The following RFTN2 variants were observed in gnomAD, a reference collection of about 807,000 sequenced individuals.
The protein encoded by RFTN2 is raftlin family member 2.
Under a neutral mutation model 52.7 loss-of-function variants are expected in RFTN2, and 34 were observed. The ratio of observed to expected loss-of-function variants is 0.64; its 90% CI spans 0.49 to 0.86. The LOEUF (loss-of-function observed/expected upper bound fraction) is 0.86. RFTN2 is among the 40% of genes least tolerant of loss of function. The probability of loss-of-function intolerance (pLI) is 0.00; values close to 1 mark genes in which losing one functional copy is unlikely to be tolerated. For synonymous variants in RFTN2, 203 were observed against 217.7 expected, an observed-to-expected ratio of 0.93 and a Z score of 0.59; for missense variants, 536 against 600.1, an observed-to-expected ratio of 0.89 and a Z score of 1.12.
At chr2:197,644,113 C>A in intron 3 of RFTN2, 45 bp downstream of exon 3, 2 of 1,071,152 alleles carry the variant, frequency 1.9e-6, no homozygotes, top group Non-Finnish European at 1.5e-6. Flanking sequence ...GATGAAATAC[C>A]AAATGTTTGT....
intron 1 of RFTN2, among the ~76,000 whole-genome samples, chr2:197,659,645 C>T (rs2088948856): frequency 1.3e-5 from 2 of 151,938 alleles, no homozygotes; most frequent in African/African-American, 2.4e-5. Context: ...TGGTAAAACC[C>T]TGTTTTTGCT....
intron 3 of RFTN2, among the ~76,000 whole-genome samples, chr2:197,641,041 A>G (rs1177191122): frequency 6.6e-6 from 1 of 152,196 alleles, no homozygotes; most frequent in Non-Finnish European, 1.5e-5. Flanking sequence ...TGTCTTTTAT[A>G]TGGCTACTGT....
chr2:197,608,627 T>A (rs1247543949), intron 7 of RFTN2, among the ~76,000 whole-genome samples: 1 of 142,482 alleles, frequency 7.0e-6, no homozygotes, highest in Non-Finnish European at 1.5e-5. Context: ...ACCAGACTTT[T>A]TTTTTTTTTT....
intron 8 of RFTN2, among the ~76,000 whole-genome samples, chr2:197,581,369 A>T (rs896350157): frequency 3.3e-5 from 5 of 151,956 alleles, no homozygotes; most frequent in African/African-American, 1.2e-4. Flanking sequence ...TGCTTTTTTC[A>T]CTATTCCCCT....
At chr2:197,586,208 C>T (rs1251447807) in intron 8 of RFTN2, among the ~76,000 whole-genome samples, 2 of 152,178 alleles carry the variant, frequency 1.3e-5, no homozygotes, top group Non-Finnish European at 2.9e-5. Context: ...CTCCCAGGCC[C>T]TCTTCTTGTT....
intron 7 of RFTN2, among the ~76,000 whole-genome samples, chr2:197,612,992 A>G (rs1265548536): frequency 1.3e-5 from 2 of 152,248 alleles, no homozygotes; most frequent in East Asian, 3.8e-4. Flanking sequence ...TGTGGGCCGC[A>G]AAAAGAAGAT....
intron 7 of RFTN2, among the ~76,000 whole-genome samples, chr2:197,609,567 T>C (rs1485920884): frequency 1.3e-5 from 2 of 152,248 alleles, no homozygotes; most frequent in Admixed American, 6.5e-5. Context: ...AAAAATTTTC[T>C]CCCAATCTGT....
intron 5 of RFTN2, among the ~76,000 whole-genome samples, chr2:197,625,160 A>C (rs2088333684): frequency 6.6e-6 from 1 of 152,172 alleles, no homozygotes; most frequent in South Asian, 2.1e-4. Flanking sequence ...ATTCTTTTCA[A>C]ATATATTCAT....
At chr2:197,581,839 T>C (rs1158251058) in intron 8 of RFTN2, among the ~76,000 whole-genome samples, 1 of 152,200 alleles carries the variant, frequency 6.6e-6, no homozygotes, top group East Asian at 1.9e-4. Context: ...TTTGGATACC[T>C]GGTTTTGCCA....
chr2:197,667,133 A>C (rs1427071327), intron 1 of RFTN2, among the ~76,000 whole-genome samples: 1 of 152,232 alleles, frequency 6.6e-6, no homozygotes, highest in African/African-American at 2.4e-5. Context: ...GGCATGTGCC[A>C]CCATGTCCAG....
At chr2:197,584,669 A>T (rs1680966626) in intron 8 of RFTN2, among the ~76,000 whole-genome samples, 1 of 152,094 alleles carries the variant, frequency 6.6e-6, no homozygotes, top group Non-Finnish European at 1.5e-5. Flanking sequence ...GGTGTTTTAG[A>T]CATGAGGACT....
chr2:197,660,200 G>A (rs930280599), intron 1 of RFTN2, among the ~76,000 whole-genome samples: 6 of 152,200 alleles, frequency 3.9e-5, no homozygotes, highest in South Asian at 2.1e-4. Context: ...TTCAGAATTT[G>A]TGAAAATAAA....
intron 8 of RFTN2, among the ~76,000 whole-genome samples, chr2:197,575,887 AATATATATAAT>A (rs2087408713): frequency 7.7e-6 from 1 of 130,262 alleles, no homozygotes. Context: ...TATTATATAT[AATATATATAAT>A]ATATATATGA....
At chr2:197,592,014 C>A (rs1037457541) in intron 8 of RFTN2, among the ~76,000 whole-genome samples, 3 of 152,132 alleles carry the variant, frequency 2.0e-5, no homozygotes, top group Admixed American at 1.3e-4. Flanking sequence ...CATGGTGCAG[C>A]GGCGGGCTGA....
intron 5 of RFTN2, among the ~76,000 whole-genome samples, chr2:197,626,395 GT>G (rs757536457): frequency 6.6e-6 from 1 of 151,758 alleles, no homozygotes; most frequent in Non-Finnish European, 1.5e-5. Context: ...GCGAGACCAT[GT>G]CTACAAAAAA....
chr2:197,635,328 G>C (rs2088547927), intron 3 of RFTN2, among the ~76,000 whole-genome samples: 1 of 152,138 alleles, frequency 6.6e-6, no homozygotes, highest in East Asian at 1.9e-4. Flanking sequence ...TTCCACAACG[G>C]TTGAACTAGT....
chr2:197,658,710 GCAGTTCTTTCT>G lies in RFTN2; in HGVS notation c.140-12055_140-12045del, dbSNP rs1413248330. Among the ~76,000 whole-genome samples, 3 of 152,190 alleles carry G rather than the reference GCAGTTCTTTCT, an allele frequency of 2.0e-5. No individual in the cohort carries two copies. In the East Asian group the frequency reaches 5.8e-4, roughly 29 times the overall value. On this transcript the variant is annotated intron_variant, in intron 1 of 8. Transcript: ENST00000295049. The stretch of plus-strand genomic sequence containing the variant: ...TCTCTTCTTAGCTCCCCAACCACCA[GCAGTTCTTTCT>G]CAGTTCTTTAGGGGAAGAAACAAAT...
intron 3 of RFTN2, among the ~76,000 whole-genome samples, chr2:197,639,715 C>T (rs374065302): frequency 0.16 from 20,391 of 131,256 alleles, 1,205 homozygotes; most frequent in Middle Eastern, 0.24. Flanking sequence ...GTAATTTGAT[C>T]GTCTGAAGCC....
intron 7 of RFTN2, among the ~76,000 whole-genome samples, chr2:197,604,712 T>A (rs982080803): frequency 6.6e-6 from 1 of 152,220 alleles, no homozygotes; most frequent in Non-Finnish European, 1.5e-5. Flanking sequence ...TTGTGCATAA[T>A]TATGCACATT....
Sources: gnomAD v4.1 joint callset for allele counts (sites outside exome capture counted in the v4.1 genomes callset) on GRCh38, gnomAD v4.1.1 for gene constraint, MANE v1.5 for transcripts, NCBI Gene and HGNC (gene_info 2026-07-23, HGNC 2026-07-21) for gene names.